Variants in UNC13A observed in about 807,000 individuals in gnomAD.
UNC13A encodes unc-13 homolog A, also known as protein unc-13 homolog A.
Under a neutral mutation model 219.7 loss-of-function variants are expected in UNC13A, and 61 were observed. That is an observed-to-expected ratio of 0.28 (90% CI 0.23 to 0.34). UNC13A has a LOEUF of 0.34. Among genes scored for constraint, UNC13A ranks in the 10% least tolerant of loss-of-function variants. UNC13A has a pLI of 1.00. For synonymous variants in UNC13A, 920 were observed against 884.6 expected (o/e 1.04, Z -0.71); for missense variants, 1,476 against 2,270.3 (o/e 0.65, Z 7.11).
intron 8 of UNC13A, among the ~76,000 whole-genome samples, chr19:17,662,897 G>A (rs1422576760): frequency 3.4e-5 from 5 of 148,444 alleles, no homozygotes; most frequent in African/African-American, 5.0e-5. Flanking sequence ...TCCAGCCTGG[G>A]TGATAGAGTG....
intron 19 of UNC13A, among the ~76,000 whole-genome samples, chr19:17,643,649 C>G (rs974050319): frequency 6.6e-6 from 1 of 152,182 alleles, no homozygotes; most frequent in Non-Finnish European, 1.5e-5. Flanking sequence ...TTTGGTGTCT[C>G]TCTTCTGATT....
chr19:17,617,882 G>A, intron 40 of UNC13A, 33 bp from the exon 41 acceptor site: 1 of 1,612,108 alleles, frequency 6.2e-7, no homozygotes, highest in East Asian at 2.2e-5. Context: ...AGGTGAGGAT[G>A]GTGGGAACCT....
intron 19 of UNC13A, 49 bp from the exon 20 acceptor site, chr19:17,643,009 T>G: frequency 1.3e-6 from 2 of 1,492,446 alleles, no homozygotes. Flanking sequence ...ACTATAGCAG[T>G]GGGCAATTTT....
intron 3 of UNC13A, among the ~76,000 whole-genome samples, chr19:17,673,379 T>C (rs2079830499): frequency 7.6e-6 from 1 of 131,790 alleles, no homozygotes; most frequent in Non-Finnish European, 1.6e-5. Context: ...AAAAAGTATA[T>C]ATATATCTGA....
intron 8 of UNC13A, 126 bp from the exon 9 acceptor site, chr19:17,658,395 A>T: frequency 1.1e-6 from 1 of 886,622 alleles, no homozygotes; most frequent in Non-Finnish European, 1.8e-6. Context: ...GTATGGATAA[A>T]GAATTGTGGG....
intron 26 of UNC13A, among the ~76,000 whole-genome samples, chr19:17,633,617 C>T (rs1223467711): frequency 6.6e-6 from 1 of 152,090 alleles, no homozygotes; most frequent in African/African-American, 2.4e-5. Context: ...AACTATCTAT[C>T]CCTCCACCTA....
intron 7 of UNC13A, among the ~76,000 whole-genome samples, chr19:17,665,678 G>T (rs1334028283): frequency 6.6e-6 from 1 of 152,128 alleles, no homozygotes; most frequent in Non-Finnish European, 1.5e-5. Context: ...TTGTACGTGC[G>T]CCCATTGTAC....
intron 30 of UNC13A, among the ~76,000 whole-genome samples, chr19:17,629,549 A>C (rs2076819571): frequency 6.6e-6 from 1 of 152,136 alleles, no homozygotes; most frequent in Non-Finnish European, 1.5e-5. Flanking sequence ...TCTTTTTCAG[A>C]GCAACCAAGC....
chr19:17,657,703 C>G (rs1213489158), intron 9 of UNC13A, among the ~76,000 whole-genome samples: 1 of 151,768 alleles, frequency 6.6e-6, no homozygotes, highest in Non-Finnish European at 1.5e-5. Context: ...CCCATCTCCA[C>G]AAAAAATAAA....
chr19:17,608,427 GAT>G (rs1568496154), intron 43 of UNC13A, among the ~76,000 whole-genome samples: 2 of 124,906 alleles, frequency 1.6e-5, no homozygotes, highest in South Asian at 2.3e-4. Flanking sequence ...ATATTTATAT[GAT>G]ATATATTTAT....
chr19:17,624,794 C>A, intron 35 of UNC13A, 35 bp downstream of exon 35: 1 of 1,594,146 alleles, frequency 6.3e-7, no homozygotes, highest in Non-Finnish European at 8.6e-7. Context: ...AGGGAGGTGG[C>A]CTAAATGTCC....
intron 43 of UNC13A, among the ~76,000 whole-genome samples, chr19:17,607,434 T>C (rs1359452024): frequency 9.1e-6 from 1 of 109,332 alleles, no homozygotes; most frequent in African/African-American, 3.5e-5. Flanking sequence ...GCTGATTTTT[T>C]GTGTTTTTAG....
intron 22 of UNC13A, among the ~76,000 whole-genome samples, chr19:17,640,291 G>A (rs1031132141): frequency 3.3e-5 from 5 of 152,166 alleles, no homozygotes; most frequent in Admixed American, 1.3e-4. Flanking sequence ...CTCCAGCCTC[G>A]GCCTCCCAAA....
chr19:17,650,871 A>G (rs1007965403), intron 12 of UNC13A, among the ~76,000 whole-genome samples: 6 of 151,756 alleles, frequency 4.0e-5, no homozygotes, highest in African/African-American at 7.3e-5. Context: ...GGCTACAGCA[A>G]TCCTCCCACC....
intron 1 of UNC13A, among the ~76,000 whole-genome samples, chr19:17,686,353 TGGA>T (rs1306649437): frequency 1.5e-5 from 2 of 136,780 alleles, no homozygotes; most frequent in African/African-American, 5.1e-5. Flanking sequence ...AAGCCCAACT[TGGA>T]GGATGTGAGG....
chr19:17,605,942 G>T lies in UNC13A; in HGVS notation c.*112C>A. 9.6e-7 allele frequency: 1 copy of T among 1,039,846 alleles called. No homozygotes were observed. Among genetic ancestry groups the T allele is most frequent in the Non-Finnish European group, 1.3e-6 (1 of 779,802 alleles). 64.4% of individuals were successfully genotyped at this position (1,039,846 alleles called of 1,614,324 possible). ...GGCGTAGGCGCAGCCCACCCTTGGC[G>T]TGGAGCCCCCCGAGCCCCGCCCCTG... On this transcript the variant is annotated 3_prime_UTR_variant, in exon 44 of 44. Coordinates refer to ENST00000519716, the MANE Select transcript of UNC13A (RefSeq NM_001080421.3).
chr19:17,621,142 C>G (rs1023908313), intron 37 of UNC13A, among the ~76,000 whole-genome samples: 3 of 152,134 alleles, frequency 2.0e-5, no homozygotes, highest in Non-Finnish European at 4.4e-5. Context: ...CTGAAGAACC[C>G]ATACACTAAA....
At chr19:17,680,077 G>T (rs1310048106) in intron 1 of UNC13A, among the ~76,000 whole-genome samples, 3 of 151,832 alleles carry the variant, frequency 2.0e-5, no homozygotes, top group African/African-American at 7.3e-5. Flanking sequence ...AGGGGGCCGA[G>T]AGTGGCGAGG....
chr19:17,678,640 C>T (rs1374111133), intron 1 of UNC13A, among the ~76,000 whole-genome samples: 2 of 151,980 alleles, frequency 1.3e-5, no homozygotes, highest in African/African-American at 4.8e-5. Context: ...GGGAGCGCAC[C>T]CACCCAGCAC....
Sources: allele counts gnomAD v4.1 joint callset (sites outside exome capture counted in the v4.1 genomes callset), GRCh38; gene constraint gnomAD v4.1.1; transcripts MANE v1.5; gene names NCBI Gene and HGNC (gene_info 2026-07-23, HGNC 2026-07-21).